NRXN3: variants seen among roughly 807,000 people sequenced by gnomAD.
The protein encoded by NRXN3 is neurexin 3.
In NRXN3, 32 loss-of-function variants were observed where a neutral mutation model predicts 137.6. That is an observed-to-expected ratio of 0.23 (90% CI 0.18 to 0.31). NRXN3 has a LOEUF of 0.31. NRXN3 is among the 10% of genes least tolerant of loss of function. The pLI, the probability that NRXN3 is intolerant of heterozygous loss-of-function variation, is 1.00. For synonymous variants in NRXN3, 798 were observed against 784.5 expected, an observed-to-expected ratio of 1.02 and a Z score of -0.29; for missense variants, 1,574 against 2,062.5, an observed-to-expected ratio of 0.76 and a Z score of 4.59.
chr14:78,863,768 A>G (rs1324707613), intron 10 of NRXN3, among the ~76,000 whole-genome samples: 1 of 152,144 alleles, frequency 6.6e-6, no homozygotes. Context: ...AAACTGAAAA[A>G]TCAAGCGTGG....
At chr14:79,734,642 A>G (rs1030570224) in intron 19 of NRXN3, among the ~76,000 whole-genome samples, 4 of 152,136 alleles carry the variant, frequency 2.6e-5, no homozygotes, top group African/African-American at 9.7e-5. Context: ...GTGTATCTCT[A>G]TGCAGGCAAA....
intron 20 of NRXN3, among the ~76,000 whole-genome samples, chr14:79,841,609 T>C (rs2099356001): frequency 6.6e-6 from 1 of 152,190 alleles, no homozygotes; most frequent in Admixed American, 6.5e-5. Context: ...AAGCATGCTT[T>C]CACTGCCCTG....
At chr14:79,775,404 A>G (rs901392353) in intron 19 of NRXN3, among the ~76,000 whole-genome samples, 2 of 152,090 alleles carry the variant, frequency 1.3e-5, no homozygotes, top group African/African-American at 4.8e-5. Flanking sequence ...GCAGTCATCT[A>G]ATTTCAAGTT....
chr14:79,713,757 C>A (rs939666354), intron 19 of NRXN3, among the ~76,000 whole-genome samples: 3 of 149,714 alleles, frequency 2.0e-5, no homozygotes, highest in Non-Finnish European at 4.5e-5. Context: ...TCAGTTTCAC[C>A]AATCATGTTC....
chr14:78,248,543 A>G (rs2068088806), intron 2 of NRXN3, among the ~76,000 whole-genome samples: 1 of 152,086 alleles, frequency 6.6e-6, no homozygotes, highest in African/African-American at 2.4e-5. Context: ...ACTGAGGTCC[A>G]GAGACATCAG....
In NRXN3 at chr14:79,083,619, C is replaced by T. The variant is rs371870458; in HGVS notation, c.3262+95478C>T. Reference sequence around the variant, plus strand: ...ATGTAAAAAATGGTTTCGCTGTTATCGTTGTCATGTTTTCCTATGTAAAAA... The same window carrying T: ...ATGTAAAAAATGGTTTCGCTGTTATTGTTGTCATGTTTTCCTATGTAAAAA... On this transcript the variant is annotated intron_variant, in intron 15 of 20. Coordinates refer to ENST00000335750, the MANE Select transcript of NRXN3 (RefSeq NM_001330195.2). Among the ~76,000 whole-genome samples the T allele has an allele frequency of 2.8e-4, 43 of 152,270 alleles. No individual in the cohort carries two copies. In the Middle Eastern group the frequency reaches 0.01, roughly 36 times the overall value.
At chr14:78,778,728 T>TTCTTTCTC (rs1245682728) in intron 8 of NRXN3, among the ~76,000 whole-genome samples, 307 of 134,742 alleles carry the variant, frequency 2.3e-3, no homozygotes, top group Non-Finnish European at 3.6e-3. Flanking sequence ...CTTTCTTTCT[T>TTCTTTCTC]TCTCTCTCTC....
chr14:79,823,028 A>T (rs1431718167), intron 20 of NRXN3, among the ~76,000 whole-genome samples: 3 of 152,192 alleles, frequency 2.0e-5, no homozygotes, highest in African/African-American at 7.2e-5. Flanking sequence ...CTATTTTGGA[A>T]AGCTGAATTA....
rs142879545 is a variant in NRXN3, at chr14:79,358,666, A to T, written c.3263-108555A>T. 9.3e-3 allele frequency among the ~76,000 whole-genome samples: 1,365 copies of T among 147,454 alleles called. 16 individuals carry two copies. The highest frequency in any genetic ancestry group is 0.03 in the African/African-American group (1,224 of 40,642). On this transcript the variant is annotated intron_variant, in intron 15 of 20. Coordinates refer to ENST00000335750, the MANE Select transcript of NRXN3 (RefSeq NM_001330195.2). ...GAAAGAAAGAAAGAAAGAAAGAAAG[A>T]AAGTGTCCTAAAAGAAGTGGTGGTA...
chr14:79,152,421 T>A (rs1402352567), intron 15 of NRXN3, among the ~76,000 whole-genome samples: 2 of 152,030 alleles, frequency 1.3e-5, no homozygotes, highest in Non-Finnish European at 2.9e-5. Context: ...TGACATACGC[T>A]ACTCCCCACC....
At chr14:78,949,753 G>A (rs2099383620) in intron 10 of NRXN3, among the ~76,000 whole-genome samples, 1 of 152,098 alleles carries the variant, frequency 6.6e-6, no homozygotes, top group African/African-American at 2.4e-5. Context: ...GTAATAGAGG[G>A]AGACAAATGT....
intron 3 of NRXN3, among the ~76,000 whole-genome samples, chr14:78,292,376 T>G (rs749229473): frequency 1.6e-4 from 24 of 152,352 alleles, no homozygotes; most frequent in Non-Finnish European, 2.5e-4. Context: ...TTTGTATGCC[T>G]TATCTCCTGG....
At position 79,578,060 on chromosome 14, in the gene NRXN3, A is replaced by G. The variant is rs11848938; in HGVS notation, c.3445-85718A>G. On this transcript the variant is annotated intron_variant, in intron 16 of 20. Coordinates refer to ENST00000335750, the MANE Select transcript of NRXN3 (RefSeq NM_001330195.2). The stretch of plus-strand genomic sequence containing the variant: ...GCTTGCAGTCTGCAAAACTGCCCTC[A>G]CTTCTGATTTGAATTGCAAGTTCAG... Among the ~76,000 whole-genome samples the G allele has an allele frequency of 6.6e-3, 999 of 152,300 alleles. 11 individuals are homozygous for G. Among genetic ancestry groups the G allele is most frequent in the African/African-American group, 0.022 (925 of 41,560 alleles).
chr14:79,252,657 C>A (rs566625853), intron 15 of NRXN3, among the ~76,000 whole-genome samples: 11 of 151,952 alleles, frequency 7.2e-5, no homozygotes, highest in Admixed American at 1.3e-4. Context: ...TCAGAGGGTG[C>A]GAGAAAAGTG....
At chr14:79,243,057 A>C (rs1385581373) in intron 15 of NRXN3, among the ~76,000 whole-genome samples, 1 of 152,182 alleles carries the variant, frequency 6.6e-6, no homozygotes, top group Non-Finnish European at 1.5e-5. Flanking sequence ...TAGAAGTTTA[A>C]GCATTCATCT....
chr14:79,497,768 G>T (rs2096781242), intron 16 of NRXN3, among the ~76,000 whole-genome samples: 2 of 152,184 alleles, frequency 1.3e-5, no homozygotes, highest in Admixed American at 1.3e-4. Context: ...TGGGCACGGT[G>T]GCTCACGCCT....
At chr14:78,241,208 A>G (rs149309958) in intron 1 of NRXN3, among the ~76,000 whole-genome samples, 22 of 152,282 alleles carry the variant, frequency 1.4e-4, no homozygotes, top group African/African-American at 4.8e-4. Context: ...GTTTTTACAC[A>G]TTGCTCACTC....
chr14:78,758,824 A>C (rs1479131331), intron 8 of NRXN3, among the ~76,000 whole-genome samples: 2 of 152,194 alleles, frequency 1.3e-5, no homozygotes, highest in Non-Finnish European at 2.9e-5. Context: ...GTGGGATGCA[A>C]TATCTTACCT....
chr14:78,766,214 G>T (rs561060909), intron 8 of NRXN3, among the ~76,000 whole-genome samples: 1 of 152,238 alleles, frequency 6.6e-6, no homozygotes, highest in East Asian at 1.9e-4. Flanking sequence ...TCTTTACCTT[G>T]AGTAGCTTCT....
Sources: gnomAD v4.1 joint callset for allele counts (sites outside exome capture counted in the v4.1 genomes callset) on GRCh38, gnomAD v4.1.1 for gene constraint, MANE v1.5 for transcripts, NCBI Gene and HGNC (gene_info 2026-07-23, HGNC 2026-07-21) for gene names.